Variants in KRT74 observed in about 807,000 individuals in gnomAD.
KRT74 encodes the protein keratin, type II cytoskeletal 74.
In KRT74, 43 loss-of-function variants were observed where a neutral mutation model predicts 42.7. The ratio of observed to expected loss-of-function variants is 1.01; its 90% CI spans 0.79 to 1.30. The LOEUF is 1.30. KRT74 is among the 50% of genes most tolerant of loss of function. The pLI, the probability that KRT74 is intolerant of heterozygous loss-of-function variation, is 0.00. For missense variants in KRT74, 736 were observed against 689.1 expected, an observed-to-expected ratio of 1.07 and a Z score of -0.76; for synonymous variants, 302 against 279.0, an observed-to-expected ratio of 1.08 and a Z score of -0.82.
At position 52,568,161 on chromosome 12, in the gene KRT74, C is replaced by G; in HGVS notation, c.1355+8G>C. 1 of 1,614,106 alleles carries G rather than the reference C, an allele frequency of 6.2e-7. No individual in the cohort carries two copies. The highest frequency in any genetic ancestry group is 8.5e-7 in the Non-Finnish European group (1 of 1,179,938). ...CCCTTCTCACACTTTCCCCTCCACC[C>G]CACCTACCTGCACTCCTCGCCCTCC... On this transcript the variant is annotated splice_region_variant and intron_variant, in intron 7 of 8. Transcript: ENST00000305620.
At chr12:52,573,096 C>G (rs1939516196) in intron 1 of KRT74, among the ~76,000 whole-genome samples, 1 of 152,196 alleles carries the variant, frequency 6.6e-6, no homozygotes, top group African/African-American at 2.4e-5. Flanking sequence ...GCTTCCCATC[C>G]TTCCCTGCAA....
intron 1 of KRT74, 137 bp downstream of exon 1, chr12:52,573,170 T>A (rs995992567): frequency 2.4e-6 from 2 of 844,208 alleles, no homozygotes; most frequent in African/African-American, 3.3e-5. Flanking sequence ...AGACCTACTC[T>A]CCTTCCCTAA....
At chr12:52,572,932 C>T (rs1939513500) in intron 1 of KRT74, among the ~76,000 whole-genome samples, 1 of 152,156 alleles carries the variant, frequency 6.6e-6, no homozygotes, top group African/African-American at 2.4e-5. Context: ...AGGAGATGTC[C>T]TTCCTTATGT....
chr12:52,571,729 C>G (rs1939485350), intron 3 of KRT74, among the ~76,000 whole-genome samples: 1 of 152,160 alleles, frequency 6.6e-6, no homozygotes, highest in African/African-American at 2.4e-5. Context: ...TCACAGTTCC[C>G]AGACCAGAAT....
chr12:52,567,889 C>T (rs1939406972), intron 7 of KRT74, among the ~76,000 whole-genome samples, 196 bp from the exon 8 acceptor site: 1 of 151,806 alleles, frequency 6.6e-6, no homozygotes, highest in Non-Finnish European at 1.5e-5. Flanking sequence ...GAGACCACAC[C>T]ACTAGCATAG....
rs773869133 is a variant in KRT74, at chr12:52,568,334, A to G, written c.1190T>C (p.Leu397Pro). The G allele has an allele frequency of 3.7e-6, 6 of 1,614,092 alleles. No individual in the cohort carries two copies. Among genetic ancestry groups the G allele is most frequent in the Non-Finnish European group, 5.1e-6 (6 of 1,180,050 alleles). The change falls in exon 7 of 9, where the codon CTG becomes CCG. Residue 397 changes from leucine to proline, a missense_variant. Leu to Pro is a moderately conservative substitution (Grantham distance 98). Transcript: ENST00000305620. ...ADAEQRGDNA[L>P]KDAQAKLDEL... ...ATCCAGCTTGGCCTGGGCATCCTTC[A>G]GGGCATTGTCTCCCCGCTGCTCAGC...
chr12:52,569,661 A>C lies in KRT74; in HGVS notation c.1134+198T>G, dbSNP rs1487656473. 3 of 660,482 alleles carry C rather than the reference A, an allele frequency of 4.5e-6. No homozygotes were observed. In the Admixed American group the frequency reaches 7.6e-5, roughly 17 times the overall value. The allele number at this position is 660,482 out of a possible 1,614,324, so 40.9% of individuals were successfully genotyped here. A position where few individuals can be genotyped will look rare whatever the true frequency, so the allele number is the denominator to read the frequency against. On this transcript the variant is annotated intron_variant, in intron 6 of 8. Transcript: ENST00000305620. Reference sequence around the variant, plus strand: ...ATGAGGAGTCAGAGAAATAGGTTTGAGGCTCCTCCCAGTTCTGGGCGGGGT... The same window carrying C: ...ATGAGGAGTCAGAGAAATAGGTTTGCGGCTCCTCCCAGTTCTGGGCGGGGT...
chr12:52,568,645 A>G, intron 6 of KRT74: 2 of 561,264 alleles, frequency 3.6e-6, no homozygotes, highest in South Asian at 4.1e-5. Context: ...AAAGTTAGAT[A>G]GTGCCTGAGA....
In KRT74 at chr12:52,567,035, TC is replaced by T. The variant is rs758691730; in HGVS notation, c.1523del (p.Gly508GlufsTer53). The T allele has an allele frequency of 9.4e-6, 15 of 1,599,792 alleles. No homozygotes were observed. In the Middle Eastern group the frequency reaches 6.7e-4, roughly 72 times the overall value. On this transcript the variant is annotated frameshift_variant, in exon 9 of 9. Coordinates refer to ENST00000305620, the MANE Select transcript of KRT74 (RefSeq NM_175053.4). LOFTEE classifies it low-confidence loss of function (END_TRUNC). Reference protein sequence around the residue: ...GQTKTTEARGGDLKDTQGKST... With the variant: ...GQTKTTEARGXDLKDTQGKST... Reference sequence around the variant, plus strand: ...TCTTGCCCTGGGTGTCCTTGAGGTCTCCCCCTCGCGCCTCTGTGGTCTTGGT... The same window carrying T: ...TCTTGCCCTGGGTGTCCTTGAGGTCTCCCCTCGCGCCTCTGTGGTCTTGGT...
rs1939479711 is a variant in KRT74, at chr12:52,571,400, G to T, written c.802C>A (p.Leu268Met). 1 of 1,613,780 alleles carries T rather than the reference G, an allele frequency of 6.2e-7. No individual in the cohort carries two copies. The highest frequency in any genetic ancestry group is 2.2e-5 in the East Asian group (1 of 44,880). Residue 268 changes from leucine (L) to methionine (M), a missense_variant, in exon 4 of 9, where the codon CTG becomes ATG. Transcript: ENST00000305620. ...KVELQAKVDS[L>M]DKEIKFLKCL... ...TTGAGGAACTTGATTTCTTTGTCCA[G>T]TGAGTCCACTTTGGCCTGAAGCTCC...
At chr12:52,571,687 G>A (rs1012874930) in intron 3 of KRT74, among the ~76,000 whole-genome samples, 1 of 152,188 alleles carries the variant, frequency 6.6e-6, no homozygotes, top group Non-Finnish European at 1.5e-5. Context: ...GTTTCCTCAG[G>A]TCACACAGCA....
Position 52,572,556 on chromosome 12 carries a change from T to G in KRT74, c.583A>C (p.Ile195Leu). 6.2e-7 allele frequency: 1 copy of G among 1,614,222 alleles called. No homozygotes were observed. Among genetic ancestry groups the G allele is most frequent in the Non-Finnish European group, 8.5e-7 (1 of 1,180,038 alleles). ...KNLEPILEGY[I>L]SNLRKQLETL... ...TCCAGCTGCTTCCGCAGGTTGCTGA[T>G]GTAGCCCTCAAGGATGGGCTCCAGG... The change falls in exon 2 of 9, where the codon ATC becomes CTC. Residue 195 changes from isoleucine to leucine, a missense_variant. Coordinates refer to ENST00000305620, the MANE Select transcript of KRT74 (RefSeq NM_175053.4).
chr12:52,571,554 C>T, intron 3 of KRT74, 100 bp from the exon 4 acceptor site: 1 of 861,388 alleles, frequency 1.2e-6, no homozygotes, highest in Non-Finnish European at 2.0e-6. Flanking sequence ...TATTTTCTAC[C>T]CACAAAGGAA....
chr12:52,573,172 C>T, intron 1 of KRT74, 135 bp downstream of exon 1: 4 of 857,272 alleles, frequency 4.7e-6, no homozygotes, highest in Non-Finnish European at 7.8e-6. Context: ...ACCTACTCTC[C>T]TTCCCTAATG....
chr12:52,571,900 G>T, intron 3 of KRT74, 44 bp downstream of exon 3: 1 of 1,264,740 alleles, frequency 7.9e-7, no homozygotes, highest in Non-Finnish European at 1.2e-6. Flanking sequence ...TTGTTAAGAT[G>T]GGGGTGCGAG....
Position 52,572,590 on chromosome 12 carries a change from G to A in KRT74, c.549C>T (p.Cys183=). Residue 183 remains cysteine (C), a synonymous_variant, in exon 2 of 9, where the codon TGC becomes TGT. Transcript: ENST00000305620. ...ELLQQLDLNN[C]KKNLEPILEG... ...CAAGGATGGGCTCCAGGTTCTTCTT[G>A]CAGTTGTTCAGGTCCAGCTGCTGCA... The A allele has an allele frequency of 6.2e-7, 1 of 1,614,128 alleles. No individual in the cohort carries two copies. The highest frequency in any genetic ancestry group is 8.5e-7 in the Non-Finnish European group (1 of 1,180,022).
At position 52,571,998 on chromosome 12, in the gene KRT74, T is replaced by C. The variant is rs673476; in HGVS notation, c.693A>G (p.Glu231=). The change falls in exon 3 of 9, where the codon GAA becomes GAG. Residue 231 remains glutamate, a synonymous_variant. Transcript: ENST00000305620. ...DLVEDYKKRY[E]VEINRRTTAE... ...CTGTCGTGCGCCGGTTAATCTCCAC[T>C]TCATATCTGCCAGCAGGGAGAGTAG... The C allele has an allele frequency of 0.76, 1,189,109 of 1,573,788 alleles. 454,646 individuals carry two copies. The highest frequency in any genetic ancestry group is 0.96 in the African/African-American group (70,978 of 74,280).
Position 52,570,770 on chromosome 12 carries a change from G to A in KRT74, c.907C>T (p.Arg303Trp), listed in dbSNP as rs142111331. 2.6e-5 allele frequency: 42 copies of A among 1,614,184 alleles called. No individual in the cohort carries two copies. The highest frequency in any genetic ancestry group is 1.6e-4 in the South Asian group (15 of 91,086). ...ATGATGCTGTCAAGGTCCAGGTCCC[G>A]GTTGTTGTCCATGGACAGGATGACA... ...TSVILSMDNNRDLDLDSIIAE... is the reference protein window; with the variant it reads ...TSVILSMDNNWDLDLDSIIAE... Residue 303 changes from arginine (R) to tryptophan (W), a missense_variant, in exon 5 of 9, where the codon CGG becomes TGG. Arg to Trp is a moderately radical substitution (Grantham distance 101). Coordinates refer to ENST00000305620, the MANE Select transcript of KRT74 (RefSeq NM_175053.4).
chr12:52,572,979 C>T (rs1341882129), intron 1 of KRT74, among the ~76,000 whole-genome samples: 1 of 152,190 alleles, frequency 6.6e-6, no homozygotes, highest in Non-Finnish European at 1.5e-5. Flanking sequence ...ATGAGCCCTT[C>T]CCTCTGAACA....
Sources: allele counts gnomAD v4.1 joint callset (sites outside exome capture counted in the v4.1 genomes callset), GRCh38; gene constraint gnomAD v4.1.1; transcripts MANE v1.5; gene names NCBI Gene and HGNC (gene_info 2026-07-23, HGNC 2026-07-21).